The following TBC1D5 variants were observed in gnomAD, a reference collection of about 807,000 sequenced individuals.
The protein encoded by TBC1D5 is TBC1 domain family member 5, also known as TBC1 domain family, member 5.
TBC1D5 carries 75 observed loss-of-function variants against 100.3 expected under a neutral mutation model. The observed-to-expected ratio is 0.75, with a 90% CI of 0.62 to 0.91. The LOEUF (loss-of-function observed/expected upper bound fraction) is 0.91, where lower values mean the gene tolerates loss of function less well. TBC1D5 is among the 40% of genes least tolerant of loss of function. The pLI, the probability that TBC1D5 is intolerant of heterozygous loss-of-function variation, is 0.00. For missense variants in TBC1D5, 910 were observed against 942.4 expected (o/e 0.97, Z 0.45); for synonymous variants, 323 against 325.6 (o/e 0.99, Z 0.09).
chr3:17,660,151 T>C (rs141046490), intron 1 of TBC1D5, among the ~76,000 whole-genome samples: 1 of 152,334 alleles, frequency 6.6e-6, no homozygotes, highest in African/African-American at 2.4e-5. Flanking sequence ...CTAACTAGTA[T>C]TTCTTTCCCC....
intron 1 of TBC1D5, among the ~76,000 whole-genome samples, chr3:17,673,272 T>C (rs73166516): frequency 0.026 from 3,931 of 151,852 alleles, 163 homozygotes; most frequent in African/African-American, 0.089. Context: ...AAATACACGT[T>C]TGCCTGTTCT....
At chr3:17,466,522 C>A (rs981671388) in intron 3 of TBC1D5, among the ~76,000 whole-genome samples, 2 of 152,166 alleles carry the variant, frequency 1.3e-5, no homozygotes, top group African/African-American at 2.4e-5. Flanking sequence ...ATGTCTATTT[C>A]TCTTTTCTAC....
intron 1 of TBC1D5, among the ~76,000 whole-genome samples, chr3:17,723,421 C>CA (rs1445331684): frequency 6.6e-6 from 1 of 152,100 alleles, no homozygotes; most frequent in African/African-American, 2.4e-5. Context: ...AGATTTCCTA[C>CA]AAAAATACTG....
At chr3:17,262,307 A>T (rs1441163355) in intron 15 of TBC1D5, among the ~76,000 whole-genome samples, 2 of 152,094 alleles carry the variant, frequency 1.3e-5, no homozygotes, top group Non-Finnish European at 2.9e-5. Flanking sequence ...GTACTTAAAC[A>T]TATTAAAACA....
At chr3:17,327,376 T>C (rs538951496) in intron 13 of TBC1D5, among the ~76,000 whole-genome samples, 15 of 152,362 alleles carry the variant, frequency 9.8e-5, no homozygotes, top group African/African-American at 2.9e-4. Context: ...AGTTCTCTAA[T>C]GGCTTATCAT....
intron 1 of TBC1D5, among the ~76,000 whole-genome samples, chr3:17,696,121 G>C (rs779412697): frequency 2.2e-4 from 34 of 152,116 alleles, no homozygotes; most frequent in Non-Finnish European, 4.4e-4. Flanking sequence ...GAAATTTATA[G>C]CTCTAAATGC....
chr3:17,569,298 A>G (rs1045061067), intron 2 of TBC1D5, among the ~76,000 whole-genome samples: 1 of 151,868 alleles, frequency 6.6e-6, no homozygotes, highest in South Asian at 2.1e-4. Context: ...GGATGATAAC[A>G]GAAGTTCCTC....
chr3:17,480,497 A>T (rs886807637), intron 3 of TBC1D5, among the ~76,000 whole-genome samples: 2 of 152,116 alleles, frequency 1.3e-5, no homozygotes, highest in African/African-American at 2.4e-5. Flanking sequence ...AAAACCCTGG[A>T]CCCAGCCAGG....
At chr3:17,608,752 T>C (rs2061494689) in intron 2 of TBC1D5, among the ~76,000 whole-genome samples, 1 of 152,170 alleles carries the variant, frequency 6.6e-6, no homozygotes, top group African/African-American at 2.4e-5. Context: ...AAACTTTTAG[T>C]TGCCATTTTG....
At chr3:17,446,652 A>G (rs2094802569) in intron 3 of TBC1D5, among the ~76,000 whole-genome samples, 1 of 152,214 alleles carries the variant, frequency 6.6e-6, no homozygotes, top group African/African-American at 2.4e-5. Context: ...GGATAAAAAC[A>G]GAGACAAGTA....
chr3:17,561,547 A>G (rs986807629), intron 2 of TBC1D5, among the ~76,000 whole-genome samples: 3 of 152,164 alleles, frequency 2.0e-5, no homozygotes, highest in Non-Finnish European at 4.4e-5. Flanking sequence ...TAAGTTGACC[A>G]AGTGGAAGGC....
At chr3:17,717,785 A>T (rs1041264558) in intron 1 of TBC1D5, among the ~76,000 whole-genome samples, 2 of 152,242 alleles carry the variant, frequency 1.3e-5, no homozygotes, top group East Asian at 3.8e-4. Context: ...TCTAAGGAAT[A>T]TATTTTATAT....
chr3:17,180,675 T>C (rs375272231), intron 19 of TBC1D5, among the ~76,000 whole-genome samples: 8 of 152,014 alleles, frequency 5.3e-5, no homozygotes, highest in Non-Finnish European at 7.4e-5. Flanking sequence ...CACTCAGAAA[T>C]AGTCAAATTC....
rs371173403 is a variant in TBC1D5 at position 17,687,760 on chromosome 3, C to T, written c.-101+51583G>A. Among the ~76,000 whole-genome samples, 4 of 152,328 alleles carry T rather than the reference C, an allele frequency of 2.6e-5. No individual in the cohort carries two copies. In the South Asian group the frequency reaches 8.3e-4, roughly 32 times the overall value. On this transcript the variant is annotated intron_variant, in intron 1 of 21. Transcript: ENST00000253692. ...AAGCCCTCCCTATTCTCTTATCTCACACAATATTCCACCTTATATCTTATA... is the reference window on the plus strand; with the variant it reads ...AAGCCCTCCCTATTCTCTTATCTCATACAATATTCCACCTTATATCTTATA...
At chr3:17,713,518 A>G (rs865886185) in intron 1 of TBC1D5, among the ~76,000 whole-genome samples, 2 of 152,298 alleles carry the variant, frequency 1.3e-5, no homozygotes, top group Middle Eastern at 3.4e-3. Context: ...CTGAGATTAC[A>G]GGCATGAGCC....
chr3:17,533,843 CTT>C (rs1296873694), intron 2 of TBC1D5, among the ~76,000 whole-genome samples: 1 of 151,970 alleles, frequency 6.6e-6, no homozygotes, highest in African/African-American at 2.4e-5. Flanking sequence ...GTCTGTTTCT[CTT>C]TCTCCTTCAT....
chr3:17,346,389 T>A (rs2089879785), intron 13 of TBC1D5, among the ~76,000 whole-genome samples: 1 of 152,170 alleles, frequency 6.6e-6, no homozygotes, highest in South Asian at 2.1e-4. Context: ...GGCATATACA[T>A]ACACATACAT....
intron 3 of TBC1D5, among the ~76,000 whole-genome samples, chr3:17,432,947 CA>C (rs1425778557): frequency 1.3e-5 from 2 of 152,080 alleles, no homozygotes; most frequent in African/African-American, 4.8e-5. Context: ...AATAAACAGT[CA>C]AAAATGTTCC....
chr3:17,297,557 C>T (rs1463508650), intron 14 of TBC1D5, among the ~76,000 whole-genome samples: 3 of 147,534 alleles, frequency 2.0e-5, no homozygotes, highest in African/African-American at 7.6e-5. Context: ...GCCTGGGTGA[C>T]AGAGCGAGAC....
Sources: allele counts gnomAD v4.1 joint callset (sites outside exome capture counted in the v4.1 genomes callset), GRCh38; gene constraint gnomAD v4.1.1; transcripts MANE v1.5; gene names NCBI Gene and HGNC (gene_info 2026-07-23, HGNC 2026-07-21).